Variants in DNAH10 observed in about 807,000 individuals in gnomAD.
DNAH10 encodes the protein axonemal beta dynein heavy chain 10.
A neutral mutation model predicts 506.6 loss-of-function variants in DNAH10; 348 were observed. The observed-to-expected ratio is 0.69, with a 90% CI of 0.63 to 0.75. The LOEUF is 0.75. Among genes scored for constraint, DNAH10 ranks in the 30% least tolerant of loss-of-function variants. The pLI is 0.00. For synonymous variants in DNAH10, 2,059 were observed against 2,198.6 expected, an observed-to-expected ratio of 0.94 and a Z score of 1.78; for missense variants, 5,179 against 5,787.1, an observed-to-expected ratio of 0.89 and a Z score of 3.41.
chr12:123,929,366 C>CT lies in DNAH10; in HGVS notation c.12399dup (p.Ala4134CysfsTer32). 6.2e-7 allele frequency: 1 copy of CT among 1,611,762 alleles called. No individual in the cohort carries two copies. The highest frequency in any genetic ancestry group is 8.5e-7 in the Non-Finnish European group (1 of 1,178,984). ...GAAATGCTGGACCAGTGCCCGCACCCTGCCTTCAAGCCGCTGGTCTACGTG... is the reference window on the plus strand; with the variant it reads ...GAAATGCTGGACCAGTGCCCGCACCCTTGCCTTCAAGCCGCTGGTCTACGTG... On this transcript the variant is annotated frameshift_variant, in exon 71 of 79. Coordinates refer to ENST00000673944, the MANE Select transcript of DNAH10 (RefSeq NM_001372106.1). LOFTEE classifies it high-confidence loss of function.
rs954593835 is a variant in DNAH10, at chr12:123,813,569, G to A, written c.3550G>A (p.Val1184Met). Residue 1184 changes from valine to methionine, a missense_variant, in exon 20 of 79, where the codon GTG becomes ATG. Physicochemically the swap from Val to Met is conservative, Grantham distance 21 (BLOSUM62 1). Transcript: ENST00000673944. Reference sequence around the variant, plus strand: ...AGTGCAGGAAAATGCCAAGTCCTGGGTGATTTCGCTTGGAAAACTTCTCAA... The same window carrying A: ...AGTGCAGGAAAATGCCAAGTCCTGGATGATTTCGCTTGGAAAACTTCTCAA... ...NTVQENAKSW[V>M]ISLGKLLNES... is the part of the protein sequence containing the mutation. 2 of 1,614,220 alleles carry A rather than the reference G, an allele frequency of 1.2e-6. No individual in the cohort carries two copies. The highest frequency in any genetic ancestry group is 8.5e-7 in the Non-Finnish European group (1 of 1,180,038).
chr12:123,826,275 A>G (rs916316416), intron 24 of DNAH10, among the ~76,000 whole-genome samples: 1 of 152,210 alleles, frequency 6.6e-6, no homozygotes, highest in Non-Finnish European at 1.5e-5. Flanking sequence ...TTAGTGATCT[A>G]GAGTGTAAAT....
chr12:123,864,661 C>G lies in DNAH10; in HGVS notation c.6975C>G (p.Asp2325Glu). ...WVENMNSVMD[D>E]NRLLTLANGE... ...AAAACATGAATTCTGTGATGGATGA[C>G]AACAGGTTGTTGACATTGGCCAACG... is the stretch of plus-strand genomic sequence containing the variant. The change falls in exon 40 of 79, where the codon GAC (aspartate) becomes GAG (glutamate). Residue 2325 changes from aspartate to glutamate, a missense_variant. Coordinates refer to ENST00000673944, the MANE Select transcript of DNAH10 (RefSeq NM_001372106.1). The G allele has an allele frequency of 6.2e-7, 1 of 1,613,972 alleles. No homozygotes were observed. The highest frequency in any genetic ancestry group is 1.1e-5 in the South Asian group (1 of 91,078).
At chr12:123,899,777 G>T (rs578026445) in intron 56 of DNAH10, among the ~76,000 whole-genome samples, 1 of 152,296 alleles carries the variant, frequency 6.6e-6, no homozygotes, top group South Asian at 2.1e-4. Flanking sequence ...TCCCTGAGGC[G>T]CCTCTAGTTT....
intron 37 of DNAH10, 42 bp downstream of exon 37, chr12:123,857,289 T>C (rs1951434145): frequency 3.6e-5 from 53 of 1,464,286 alleles, no homozygotes; most frequent in Non-Finnish European, 4.8e-5. Flanking sequence ...GTGCATCCTT[T>C]CCATTGGCTT....
intron 38 of DNAH10, 152 bp from the exon 39 acceptor site, chr12:123,860,860 A>G: frequency 1.1e-6 from 1 of 931,600 alleles, no homozygotes; most frequent in Non-Finnish European, 1.6e-6. Context: ...AAGCACTAAC[A>G]GTGAAGGGAA....
chr12:123,780,982 C>A, intron 5 of DNAH10, 98 bp from the exon 6 acceptor site: 5 of 774,448 alleles, frequency 6.5e-6, no homozygotes, highest in South Asian at 2.5e-5. Flanking sequence ...AAACCAGAGG[C>A]AATTTGAATA....
At chr12:123,887,420 C>T (rs1013321123) in intron 52 of DNAH10, 107 bp downstream of exon 52, 125 of 1,310,278 alleles carry the variant, frequency 9.5e-5, no homozygotes, top group Middle Eastern at 5.4e-4. Context: ...TAGCCCTGTG[C>T]GGGTGTACCT....
At chr12:123,792,442 T>C (rs1160250230) in intron 11 of DNAH10, among the ~76,000 whole-genome samples, 4 of 135,592 alleles carry the variant, frequency 3.0e-5, no homozygotes, top group Admixed American at 2.5e-4. Flanking sequence ...ACCTTTTTTT[T>C]CCTTTGTCCT....
intron 30 of DNAH10, among the ~76,000 whole-genome samples, chr12:123,843,385 C>T (rs768786639): frequency 5.9e-5 from 9 of 152,046 alleles, no homozygotes; most frequent in East Asian, 1.9e-4. Flanking sequence ...CTAGGTTTGT[C>T]GCGTCCTTTA....
At chr12:123,878,245 T>A (rs970928641) in intron 48 of DNAH10, among the ~76,000 whole-genome samples, 20 of 152,084 alleles carry the variant, frequency 1.3e-4, no homozygotes, top group African/African-American at 4.3e-4. Flanking sequence ...TCGTTGCCGG[T>A]TGGTTATAGG....
intron 25 of DNAH10, among the ~76,000 whole-genome samples, chr12:123,829,548 A>G (rs1960320461): frequency 6.6e-6 from 1 of 152,198 alleles, no homozygotes; most frequent in Non-Finnish European, 1.5e-5. Context: ...AAAGGGGGAA[A>G]AAAATAAAAA....
intron 42 of DNAH10, 59 bp from the exon 43 acceptor site, chr12:123,867,844 G>T (rs1393021717): frequency 2.0e-5 from 30 of 1,537,118 alleles, no homozygotes; most frequent in Non-Finnish European, 2.7e-5. Flanking sequence ...TTTATGACTG[G>T]AATGGACTCT....
chr12:123,800,370 A>G lies in DNAH10; in HGVS notation c.2444A>G (p.Gln815Arg). The G allele has an allele frequency of 6.2e-7, 1 of 1,612,832 alleles. No homozygotes were observed. The stretch of plus-strand genomic sequence containing the variant: ...GAATTAGCAAGAAATGTTGCTCTCC[A>G]GGAAGACAAATTCCTTAGGTAAAAA... ...VPELARNVAL[Q>R]EDKFLRYTAG... The change falls in exon 15 of 79, where the codon CAG becomes CGG. Residue 815 changes from glutamine to arginine, a missense_variant. This residue lies in a region of DNAH10 where 4,844 missense variants were observed against 5,430.5 expected (regional missense o/e 0.89). Transcript: ENST00000673944.
intron 37 of DNAH10, 56 bp downstream of exon 37, chr12:123,857,303 G>A: frequency 3.5e-6 from 5 of 1,420,760 alleles, no homozygotes; most frequent in Non-Finnish European, 4.7e-6. Flanking sequence ...TTGGCTTTTT[G>A]TTTTTGCAGT....
At chr12:123,776,878 T>G (rs1422157467) in intron 5 of DNAH10, among the ~76,000 whole-genome samples, 1 of 151,964 alleles carries the variant, frequency 6.6e-6, no homozygotes, top group African/African-American at 2.4e-5. Flanking sequence ...GACAGGAAGA[T>G]GTACATTAAC....
rs553665101 is a variant in DNAH10 at position 123,845,465 on chromosome 12, A to G, written c.5361-135A>G. On this transcript the variant is annotated intron_variant, in intron 30 of 78. Coordinates refer to ENST00000673944, the MANE Select transcript of DNAH10 (RefSeq NM_001372106.1). Reference sequence around the variant, plus strand: ...CTCTGACTTACTTAGGTAAACAAATACAGGCACTTGCTTACCTAAAACCTT... The same window carrying G: ...CTCTGACTTACTTAGGTAAACAAATGCAGGCACTTGCTTACCTAAAACCTT... 38 of 1,173,392 alleles carry G rather than the reference A, an allele frequency of 3.2e-5. 1 individual carries two copies. In the South Asian group the frequency reaches 5.8e-4, roughly 18 times the overall value. 72.7% of individuals were successfully genotyped at this position (1,173,392 alleles called of 1,614,324 possible). A position where few individuals can be genotyped will look rare whatever the true frequency, so the allele number is the denominator to read the frequency against.
chr12:123,791,682 T>A (rs1958085044), intron 11 of DNAH10, among the ~76,000 whole-genome samples: 1 of 152,132 alleles, frequency 6.6e-6, no homozygotes, highest in Non-Finnish European at 1.5e-5. Context: ...GCTCAAGTGA[T>A]CCTTCCGCCT....
chr12:123,806,202 G>T (rs1279708586), intron 18 of DNAH10, among the ~76,000 whole-genome samples: 1 of 152,156 alleles, frequency 6.6e-6, no homozygotes, highest in East Asian at 1.9e-4. Flanking sequence ...AGGAAGCTTA[G>T]AACCAAATTT....
Sources: allele counts gnomAD v4.1 joint callset (sites outside exome capture counted in the v4.1 genomes callset), GRCh38; gene constraint gnomAD v4.1.1; regional missense constraint gnomAD v4.1.1; transcripts MANE v1.5; gene names NCBI Gene and HGNC (gene_info 2026-07-23, HGNC 2026-07-21).